SORCS1: variants seen among roughly 807,000 people sequenced by gnomAD.
SORCS1 encodes sortilin related VPS10 domain containing receptor 1, also known as VPS10 domain-containing receptor SorCS1.
A neutral mutation model predicts 146.1 loss-of-function variants in SORCS1; 60 were observed. That is an observed-to-expected ratio of 0.41 (90% CI 0.33 to 0.51). SORCS1 has a LOEUF of 0.51. SORCS1 is among the 20% of genes least tolerant of loss of function. SORCS1 has a pLI of 0.21. For missense variants in SORCS1, 1,352 were observed against 1,487.6 expected (o/e 0.91, Z 1.50); for synonymous variants, 637 against 584.0 (o/e 1.09, Z -1.31).
At chr10:106,742,219 G>T (rs143233518) in intron 5 of SORCS1, among the ~76,000 whole-genome samples, 1 of 152,254 alleles carries the variant, frequency 6.6e-6, no homozygotes, top group Non-Finnish European at 1.5e-5. Flanking sequence ...TCCCTTATCT[G>T]AAGTACTTGG....
chr10:106,586,865 C>T (rs1417431654), intron 24 of SORCS1, among the ~76,000 whole-genome samples: 1 of 152,106 alleles, frequency 6.6e-6, no homozygotes, highest in Non-Finnish European at 1.5e-5. Context: ...CTGAGGCAGA[C>T]AGATCGCTTG....
At chr10:106,647,522 T>C (rs1849539384) in intron 18 of SORCS1, among the ~76,000 whole-genome samples, 1 of 152,068 alleles carries the variant, frequency 6.6e-6, no homozygotes, top group African/African-American at 2.4e-5. Flanking sequence ...AGGTTTTAAA[T>C]TCACAAGGGA....
At position 107,117,328 on chromosome 10, in the gene SORCS1, A is replaced by G. The variant is rs112433025; in HGVS notation, c.558+46641T>C. ...ACCAGAGAGGTATATATCTGAGAAC[A>G]GACATTATTCTTCAATACAAGAACA... On this transcript the variant is annotated intron_variant, in intron 1 of 25. Coordinates refer to ENST00000263054, the MANE Select transcript of SORCS1 (RefSeq NM_052918.5). Among the ~76,000 whole-genome samples the G allele has an allele frequency of 5.8e-3, 879 of 152,350 alleles. 9 individuals are homozygous for G. The highest frequency in any genetic ancestry group is 0.031 in the South Asian group (150 of 4,826).
chr10:106,755,496 G>A (rs1232790004), intron 5 of SORCS1, among the ~76,000 whole-genome samples: 1 of 152,078 alleles, frequency 6.6e-6, no homozygotes, highest in Non-Finnish European at 1.5e-5. Flanking sequence ...TCCCCTGATG[G>A]AATTATATCC....
chr10:106,741,622 T>G lies in SORCS1; in HGVS notation c.960-11508A>C, dbSNP rs755300546. On this transcript the variant is annotated intron_variant, in intron 5 of 25. Coordinates refer to ENST00000263054, the MANE Select transcript of SORCS1 (RefSeq NM_052918.5). Reference sequence around the variant, plus strand: ...CTCAAAAAATAATAATAATTATATATAGAGAGAGAGAGAGTGAGAGAGAGA... The same window carrying G: ...CTCAAAAAATAATAATAATTATATAGAGAGAGAGAGAGAGTGAGAGAGAGA... 3.3e-4 allele frequency among the ~76,000 whole-genome samples: 50 copies of G among 150,674 alleles called. 1 individual carries two copies. Among genetic ancestry groups the G allele is most frequent in the Admixed American group, 6.6e-4 (10 of 15,070 alleles).
At chr10:106,992,670 A>C (rs1333003175) in intron 1 of SORCS1, among the ~76,000 whole-genome samples, 1 of 151,734 alleles carries the variant, frequency 6.6e-6, no homozygotes, top group East Asian at 1.9e-4. Flanking sequence ...AATTAAAAAA[A>C]AAAAGTTGTA....
chr10:106,869,171 A>AGAAG (rs1950320204), intron 2 of SORCS1, among the ~76,000 whole-genome samples: 1 of 152,224 alleles, frequency 6.6e-6, no homozygotes, highest in East Asian at 1.9e-4. Context: ...CAGAACAATA[A>AGAAG]CAAGCTCTGA....
chr10:106,688,040 T>C (rs773831056), intron 10 of SORCS1, 152 bp downstream of exon 10: 8 of 970,344 alleles, frequency 8.2e-6, no homozygotes, highest in Non-Finnish European at 1.0e-5. Flanking sequence ...GGCAGTGCTG[T>C]GAGTTTTCTA....
chr10:106,770,889 G>A lies in SORCS1; in HGVS notation c.885+5645C>T, dbSNP rs576781200. The stretch of plus-strand genomic sequence containing the variant: ...TCTTGCCTGTTTGTATAGGAACTGC[G>A]TTCATGCTCTACGTGGTCTTGAACG... On this transcript the variant is annotated intron_variant, in intron 4 of 25. Transcript: ENST00000263054. 3.5e-4 allele frequency among the ~76,000 whole-genome samples: 53 copies of A among 152,296 alleles called. 1 individual carries two copies. Among genetic ancestry groups the A allele is most frequent in the Non-Finnish European group, 6.0e-4 (41 of 68,022 alleles).
chr10:106,719,131 G>C (rs899145465), intron 6 of SORCS1, among the ~76,000 whole-genome samples: 1 of 152,152 alleles, frequency 6.6e-6, no homozygotes, highest in Non-Finnish European at 1.5e-5. Flanking sequence ...AAGAGCGACA[G>C]AGACAGAGAG....
intron 24 of SORCS1, among the ~76,000 whole-genome samples, chr10:106,595,076 C>G (rs755900082): frequency 2.6e-5 from 4 of 152,184 alleles, no homozygotes; most frequent in Admixed American, 1.3e-4. Flanking sequence ...ATGTGCTACC[C>G]CCATTCACCA....
At chr10:107,046,467 T>C (rs1384114083) in intron 1 of SORCS1, among the ~76,000 whole-genome samples, 2 of 152,008 alleles carry the variant, frequency 1.3e-5, no homozygotes, top group Non-Finnish European at 2.9e-5. Flanking sequence ...AATATATCTA[T>C]ATAAATACAA....
chr10:106,798,673 A>C (rs1254658819), intron 3 of SORCS1, among the ~76,000 whole-genome samples: 1 of 152,058 alleles, frequency 6.6e-6, no homozygotes, highest in Non-Finnish European at 1.5e-5. Flanking sequence ...ACATTTTCTT[A>C]ATCCAGTCTA....
At chr10:106,626,295 G>A (rs1424999361) in intron 19 of SORCS1, among the ~76,000 whole-genome samples, 1 of 152,072 alleles carries the variant, frequency 6.6e-6, no homozygotes, top group Non-Finnish European at 1.5e-5. Context: ...GTTTTACTAG[G>A]TGCCAGGGTA....
At chr10:106,822,782 GT>G (rs1158921880) in intron 3 of SORCS1, among the ~76,000 whole-genome samples, 3,439 of 113,140 alleles carry the variant, frequency 0.03, 39 homozygotes, top group Admixed American at 0.07. Flanking sequence ...TTCATGTGTG[GT>G]TTTTTTTTTT....
intron 2 of SORCS1, among the ~76,000 whole-genome samples, chr10:106,854,960 G>A (rs1949726784): frequency 6.6e-6 from 1 of 152,128 alleles, no homozygotes; most frequent in Admixed American, 6.5e-5. Context: ...TCATTCTGAT[G>A]CTCTTCTTTT....
chr10:106,835,518 G>A (rs910719169), intron 2 of SORCS1, among the ~76,000 whole-genome samples: 2 of 152,110 alleles, frequency 1.3e-5, no homozygotes, highest in East Asian at 1.9e-4. Flanking sequence ...TATTCATAAA[G>A]CAATTACAAC....
At chr10:107,157,765 C>G (rs753368199) in intron 1 of SORCS1, among the ~76,000 whole-genome samples, 6 of 152,168 alleles carry the variant, frequency 3.9e-5, no homozygotes, top group Non-Finnish European at 8.8e-5. Context: ...CTTACTCCAT[C>G]CGTACAATCG....
chr10:107,015,385 T>C (rs924493063), intron 1 of SORCS1, among the ~76,000 whole-genome samples: 1 of 152,116 alleles, frequency 6.6e-6, no homozygotes, highest in Non-Finnish European at 1.5e-5. Flanking sequence ...TTTAAAGTGA[T>C]GTTCTTAGGT....
Sources: gnomAD v4.1 joint callset for allele counts (sites outside exome capture counted in the v4.1 genomes callset) on GRCh38, gnomAD v4.1.1 for gene constraint, MANE v1.5 for transcripts, NCBI Gene and HGNC (gene_info 2026-07-23, HGNC 2026-07-21) for gene names.